The following INSR variants were observed in gnomAD, a reference collection of about 807,000 sequenced individuals.
INSR encodes IR.
In INSR, 67 loss-of-function variants were observed where a neutral mutation model predicts 142.6. The ratio of observed to expected loss-of-function variants is 0.47; its 90% confidence interval spans 0.39 to 0.58. INSR has a LOEUF of 0.58. INSR is among the 20% of genes least tolerant of loss of function. The pLI is 0.00. For missense variants in INSR, 1,248 were observed against 1,833.2 expected, an observed-to-expected ratio of 0.68 and a Z score of 5.83; for synonymous variants, 756 against 743.1, an observed-to-expected ratio of 1.02 and a Z score of -0.28.
In INSR at chr19:7,115,673, C is replaced by T. The variant is rs879744154; in HGVS notation, c.*1383G>A. On this transcript the variant is annotated 3_prime_UTR_variant, in exon 22 of 22. Transcript: ENST00000302850. ...TTCACACCCGGGAGAGGAAACGCCA[C>T]AAGAGGTACACACAGAGAATCAGAG... 4.6e-5 allele frequency: 7 copies of T among 152,210 alleles called. No individual in the cohort carries two copies. The highest frequency in any genetic ancestry group is 1.0e-4 in the Non-Finnish European group (7 of 68,064). 9.4% of individuals were successfully genotyped at this position (152,210 alleles called of 1,614,324 possible).
intron 2 of INSR, among the ~76,000 whole-genome samples, chr19:7,191,803 T>C (rs1398462312): frequency 1.3e-5 from 2 of 150,932 alleles, no homozygotes; most frequent in Middle Eastern, 3.4e-3. Context: ...CACTCCAGCC[T>C]GGGCAATAAA....
chr19:7,191,988 G>A (rs1357803264), intron 2 of INSR, among the ~76,000 whole-genome samples: 3 of 148,334 alleles, frequency 2.0e-5, no homozygotes, highest in Admixed American at 6.8e-5. Flanking sequence ...AGGAGGGAGG[G>A]AGGGGAGAGA....
intron 2 of INSR, among the ~76,000 whole-genome samples, chr19:7,264,044 C>G (rs1296228014): frequency 6.6e-6 from 1 of 152,082 alleles, no homozygotes; most frequent in African/African-American, 2.4e-5. Context: ...TGGCGCATGC[C>G]TGTAATCCTA....
At chr19:7,132,371 G>A (rs1972808225) in intron 13 of INSR, 54 bp from the exon 14 acceptor site, 2 of 1,589,848 alleles carry the variant, frequency 1.3e-6, no homozygotes, top group Non-Finnish European at 1.7e-6. Flanking sequence ...ACATCTGGGA[G>A]TGTCCACCCC....
intron 2 of INSR, among the ~76,000 whole-genome samples, chr19:7,204,845 C>T (rs1975064049): frequency 6.6e-6 from 1 of 152,218 alleles, no homozygotes; most frequent in Non-Finnish European, 1.5e-5. Context: ...CTTTGGGAGG[C>T]CGAGGCGGGC....
chr19:7,218,732 T>G (rs182424211), intron 2 of INSR, among the ~76,000 whole-genome samples: 5 of 152,242 alleles, frequency 3.3e-5, no homozygotes, highest in Admixed American at 2.6e-4. Context: ...TTTGTACAGA[T>G]GGGGTTTCGC....
chr19:7,254,359 T>C (rs1469900904), intron 2 of INSR, among the ~76,000 whole-genome samples: 1 of 151,390 alleles, frequency 6.6e-6, no homozygotes, highest in Non-Finnish European at 1.5e-5. Flanking sequence ...CTTTAATAAA[T>C]AAGTAAATAA....
At chr19:7,268,274 G>C (rs1184623162) in intron 1 of INSR, 2 of 203,938 alleles carry the variant, frequency 9.8e-6, no homozygotes, top group East Asian at 3.7e-4. Flanking sequence ...GATAATTTAC[G>C]GGGATAAAGG....
At chr19:7,278,202 A>G (rs62109588) in intron 1 of INSR, among the ~76,000 whole-genome samples, 3,328 of 152,324 alleles carry the variant, frequency 0.022, 60 homozygotes, top group Middle Eastern at 0.041. Context: ...CAAAGGATGA[A>G]GGAAGAAAAC....
intron 1 of INSR, among the ~76,000 whole-genome samples, chr19:7,286,027 C>T (rs1968336587): frequency 6.6e-6 from 1 of 152,160 alleles, no homozygotes; most frequent in South Asian, 2.1e-4. Context: ...GTCACCCAGG[C>T]TGGATGCAGT....
At chr19:7,201,197 G>A (rs931347348) in intron 2 of INSR, among the ~76,000 whole-genome samples, 31 of 152,066 alleles carry the variant, frequency 2.0e-4, no homozygotes, top group African/African-American at 7.5e-4. Context: ...AGAGAGAATG[G>A]CATACCCATT....
intron 2 of INSR, among the ~76,000 whole-genome samples, chr19:7,232,801 C>T (rs919785050): frequency 6.6e-6 from 1 of 151,694 alleles, no homozygotes; most frequent in Admixed American, 6.6e-5. Flanking sequence ...CAGTGCAAGA[C>T]TCCGTCTCAA....
At chr19:7,292,436 C>T (rs1286711852) in intron 1 of INSR, among the ~76,000 whole-genome samples, 1 of 148,318 alleles carries the variant, frequency 6.7e-6, no homozygotes, top group Non-Finnish European at 1.5e-5. Flanking sequence ...CTTCATTGAG[C>T]ACCTACTGTC....
intron 2 of INSR, among the ~76,000 whole-genome samples, chr19:7,194,178 G>A (rs1974674385): frequency 6.6e-6 from 1 of 152,138 alleles, no homozygotes; most frequent in South Asian, 2.1e-4. Context: ...CAGCACTTTG[G>A]GAGGCTGATG....
rs766008634 is a variant in INSR at position 7,117,311 on chromosome 19, A to G, written c.3894T>C (p.Phe1298=). 6.2e-7 allele frequency: 1 copy of G among 1,614,120 alleles called. No homozygotes were observed. The highest frequency in any genetic ancestry group is 8.5e-7 in the Non-Finnish European group (1 of 1,180,036). ...NLLKDDLHPS[F]PEVSFFHSEE... Reference sequence around the variant, plus strand: ...CGCTGTGGAAGAACGACACCTCTGGAAAGCTGGGGTGCAGGTCGTCCTTGA... The same window carrying G: ...CGCTGTGGAAGAACGACACCTCTGGGAAGCTGGGGTGCAGGTCGTCCTTGA... Residue 1298 remains phenylalanine (F), a synonymous_variant, in exon 22 of 22, where the codon TTT becomes TTC. Coordinates refer to ENST00000302850, the MANE Select transcript of INSR (RefSeq NM_000208.4).
In INSR at chr19:7,189,927, G is replaced by A. The variant is rs1050158508; in HGVS notation, c.653-5290C>T. On this transcript the variant is annotated intron_variant, in intron 2 of 21. Transcript: ENST00000302850. Reference sequence around the variant, plus strand: ...GATCTGCCCACCTTGGCCTCCCAAAGTGCTGGGATTATAGGCATGACCCAC... The same window carrying A: ...GATCTGCCCACCTTGGCCTCCCAAAATGCTGGGATTATAGGCATGACCCAC... Among the ~76,000 whole-genome samples, 16 of 152,036 alleles carry A rather than the reference G, an allele frequency of 1.1e-4. No individual in the cohort carries two copies. In the East Asian group the frequency reaches 1.4e-3, roughly 13 times the overall value.
At chr19:7,210,439 T>C (rs983586097) in intron 2 of INSR, among the ~76,000 whole-genome samples, 8 of 151,190 alleles carry the variant, frequency 5.3e-5, no homozygotes, top group Non-Finnish European at 7.4e-5. Context: ...ATTTAGGAAA[T>C]TGACAAAAAC....
Position 7,166,063 on chromosome 19 carries a change from A to G in INSR, c.1861+91T>C. 1 of 1,478,812 alleles carries G rather than the reference A, an allele frequency of 6.8e-7. No homozygotes were observed. The allele number at this position is 1,478,812 out of a possible 1,614,324, so 91.6% of individuals were successfully genotyped here. A position where few individuals can be genotyped will look rare whatever the true frequency, so the allele number is the denominator to read the frequency against. ...AAAAAAAAAAGCCAATAACCATATC[A>G]AGGAGCATTTTATACAACCTCACTG... On this transcript the variant is annotated intron_variant, in intron 8 of 21. Coordinates refer to ENST00000302850, the MANE Select transcript of INSR (RefSeq NM_000208.4). This position sits in a 1 kb window ranked among gnomAD's most constrained non-coding sequence, Gnocchi z 4.1.
At chr19:7,243,392 T>A (rs1976430057) in intron 2 of INSR, among the ~76,000 whole-genome samples, 1 of 151,846 alleles carries the variant, frequency 6.6e-6, no homozygotes, top group South Asian at 2.1e-4. Context: ...ATTACAGGCG[T>A]GCGCCACCAC....
Sources: gnomAD v4.1 joint callset for allele counts (sites outside exome capture counted in the v4.1 genomes callset) on GRCh38, gnomAD v4.1.1 for gene constraint, Gnocchi (gnomAD v3.1) non-coding constraint, MANE v1.5 for transcripts, NCBI Gene and HGNC (gene_info 2026-07-23, HGNC 2026-07-21) for gene names.